The following NRDE2 variants were observed in gnomAD, a reference collection of about 807,000 sequenced individuals.
NRDE2 encodes NRDE-2, necessary for RNA interference, domain containing.
In NRDE2, 76 loss-of-function variants were observed where a neutral mutation model predicts 124.2. That is an observed-to-expected ratio of 0.61 (90% CI 0.51 to 0.74). The LOEUF (loss-of-function observed/expected upper bound fraction) is 0.74, where lower values mean the gene tolerates loss of function less well. Among genes scored for constraint, NRDE2 ranks in the 30% least tolerant of loss-of-function variants. The pLI, the probability that NRDE2 is intolerant of heterozygous loss-of-function variation, is 0.00. For missense variants in NRDE2, 1,314 were observed against 1,417.3 expected (o/e 0.93, Z 1.17); for synonymous variants, 489 against 528.1 (o/e 0.93, Z 1.01).
intron 8 of NRDE2, among the ~76,000 whole-genome samples, chr14:90,294,676 G>A (rs926918825): frequency 1.2e-4 from 19 of 152,128 alleles, no homozygotes; most frequent in African/African-American, 3.9e-4. Context: ...TGGGGCCTGG[G>A]GGGAGGGAGA....
chr14:90,270,748 G>C lies in NRDE2; in HGVS notation c.*7588C>G, dbSNP rs1243027428. On this transcript the variant is annotated 3_prime_UTR_variant, in exon 14 of 14. Coordinates refer to ENST00000354366, the MANE Select transcript of NRDE2 (RefSeq NM_017970.4). ...CATTCATCTCCCAATCTGTGTTCTGGAAGGTTGTACCAGATTATACTTCTT... is the reference window on the plus strand; with the variant it reads ...CATTCATCTCCCAATCTGTGTTCTGCAAGGTTGTACCAGATTATACTTCTT... The C allele has an allele frequency of 6.2e-6, 1 of 161,964 alleles. No individual in the cohort carries two copies. Among genetic ancestry groups the C allele is most frequent in the Admixed American group, 6.4e-5 (1 of 15,652 alleles). The allele number at this position is 161,964 out of a possible 1,614,324, so 10.0% of individuals were successfully genotyped here.
chr14:90,275,195 G>A lies in NRDE2; in HGVS notation c.*3141C>T, dbSNP rs959430305. ...CTTCCAATCAGAAGGAGACCAAAGA[G>A]ATGACAACCAAGTGCAGCTCCTGCT... On this transcript the variant is annotated 3_prime_UTR_variant, in exon 14 of 14. Transcript: ENST00000354366. The A allele has an allele frequency of 2.6e-5, 4 of 152,156 alleles. No homozygotes were observed. The highest frequency in any genetic ancestry group is 9.7e-5 in the African/African-American group (4 of 41,426). The allele number at this position is 152,156 out of a possible 1,614,324, so 9.4% of individuals were successfully genotyped here. A position where few individuals can be genotyped will look rare whatever the true frequency, so the allele number is the denominator to read the frequency against.
chr14:90,326,096 C>T (rs1289350114), intron 1 of NRDE2, among the ~76,000 whole-genome samples: 1 of 152,186 alleles, frequency 6.6e-6, no homozygotes, highest in African/African-American at 2.4e-5. Flanking sequence ...GTGACAGCCA[C>T]ACGATGGAGT....
chr14:90,312,329 G>C, intron 4 of NRDE2, 65 bp downstream of exon 4: 1 of 1,514,252 alleles, frequency 6.6e-7, no homozygotes, highest in East Asian at 2.3e-5. Context: ...ACAGTGCCAA[G>C]AGAGTTCCGA....
Position 90,304,021 on chromosome 14 carries a change from G to C in NRDE2, c.919C>G (p.Leu307Val), listed in dbSNP as rs1031692237. 6.2e-7 allele frequency: 1 copy of C among 1,614,042 alleles called. No individual in the cohort carries two copies. Among genetic ancestry groups the C allele is most frequent in the African/African-American group, 1.3e-5 (1 of 75,058 alleles). The change falls in exon 5 of 14, where the codon CTC becomes GTC. Residue 307 changes from leucine to valine, a missense_variant. Transcript: ENST00000354366. ...DAQPDSESAA[L>V]KAKVEEFNRR... ...TTAAACTCCTCCACCTTGGCCTTGA[G>C]AGCCGCACTCTCGCTGTCTGGCTGT... is the stretch of plus-strand genomic sequence containing the variant.
intron 9 of NRDE2, among the ~76,000 whole-genome samples, chr14:90,291,627 G>A (rs1892273715): frequency 6.6e-6 from 1 of 151,986 alleles, no homozygotes; most frequent in Non-Finnish European, 1.5e-5. Context: ...TCCCAGGTAA[G>A]TACCCTCTCC....
At chr14:90,285,587 C>T (rs1412121046) in intron 12 of NRDE2, among the ~76,000 whole-genome samples, 2 of 152,056 alleles carry the variant, frequency 1.3e-5, no homozygotes, top group Non-Finnish European at 2.9e-5. Flanking sequence ...CAGGCATGAG[C>T]CACCATGCCC....
chr14:90,272,452 T>C lies in NRDE2; in HGVS notation c.*5884A>G. 1.4e-6 allele frequency: 2 copies of C among 1,479,570 alleles called. No individual in the cohort carries two copies. Among genetic ancestry groups the C allele is most frequent in the South Asian group, 2.5e-5 (2 of 78,746 alleles). The allele number at this position is 1,479,570 out of a possible 1,614,324, so 91.7% of individuals were successfully genotyped here. On this transcript the variant is annotated 3_prime_UTR_variant, in exon 14 of 14. Coordinates refer to ENST00000354366, the MANE Select transcript of NRDE2 (RefSeq NM_017970.4). This position sits in a 1 kb window ranked among gnomAD's most constrained non-coding sequence, Gnocchi z 4.5. ...GGAAAATGGTTGGGAGATTTCTCAA[T>C]CCCTGAAAGGGATGAGGTTGGGGGA...
chr14:90,288,875 G>C lies in NRDE2; in HGVS notation c.2500C>G (p.Leu834Val), dbSNP rs541596816. 2.8e-5 allele frequency: 45 copies of C among 1,614,050 alleles called. No individual in the cohort carries two copies. The highest frequency in any genetic ancestry group is 3.3e-5 in the Non-Finnish European group (39 of 1,180,044). ...GCAGCCCTTCTCACTTCTGGCGACAGCTCCACCTCCAGCTCAGCATAGAGC... is the reference window on the plus strand; with the variant it reads ...GCAGCCCTTCTCACTTCTGGCGACACCTCCACCTCCAGCTCAGCATAGAGC... The part of the protein sequence containing the change: ...SLLYAELEVE[L>V]SPEVRRAATA... The change falls in exon 11 of 14, where the codon CTG (leucine) becomes GTG (valine). Residue 834 changes from leucine to valine, a missense_variant. Physicochemically the swap from Leu to Val is conservative, Grantham distance 32 (BLOSUM62 1). Coordinates refer to ENST00000354366, the MANE Select transcript of NRDE2 (RefSeq NM_017970.4).
At chr14:90,282,201 G>A (rs904142277) in intron 12 of NRDE2, among the ~76,000 whole-genome samples, 1 of 152,194 alleles carries the variant, frequency 6.6e-6, no homozygotes, top group African/African-American at 2.4e-5. Flanking sequence ...AACAAGCCAG[G>A]CGCAGTGGCT....
At chr14:90,302,170 G>A (rs1167590346) in intron 6 of NRDE2, among the ~76,000 whole-genome samples, 1 of 152,144 alleles carries the variant, frequency 6.6e-6, no homozygotes, top group Non-Finnish European at 1.5e-5. Context: ...AAGGACACAA[G>A]AGAGCCAGTG....
At chr14:90,281,495 A>AC (rs1566681556) in intron 12 of NRDE2, 1 of 152,220 alleles carries the variant, frequency 6.6e-6, no homozygotes, top group Non-Finnish European at 1.5e-5. Flanking sequence ...GGAGGCGAGT[A>AC]ACAGTGGCAG....
At chr14:90,329,172 AT>A (rs1231549062) in intron 1 of NRDE2, among the ~76,000 whole-genome samples, 1 of 152,074 alleles carries the variant, frequency 6.6e-6, no homozygotes, top group Non-Finnish European at 1.5e-5. Flanking sequence ...CAAAAGTTCG[AT>A]TTCCCCCTCT....
rs1174630156 is a variant in NRDE2, at chr14:90,273,332, G to A, written c.*5004C>T. On this transcript the variant is annotated 3_prime_UTR_variant, in exon 14 of 14. Transcript: ENST00000354366. ...CCCAGCACTTTGGGAAGCTGAGGCA[G>A]GCGGATCACAAGGTCAGAAGTTTGA... 6.6e-6 allele frequency: 1 copy of A among 152,234 alleles called. No individual in the cohort carries two copies. The highest frequency in any genetic ancestry group is 6.5e-5 in the Admixed American group (1 of 15,280). The allele number at this position is 152,234 out of a possible 1,614,324, so 9.4% of individuals were successfully genotyped here.
At chr14:90,316,431 CCTT>C in intron 3 of NRDE2, 144 bp downstream of exon 3, 1 of 606,778 alleles carries the variant, frequency 1.6e-6, no homozygotes. Flanking sequence ...TAATTTTTCT[CCTT>C]CTCTTTTTTA....
chr14:90,329,149 T>A (rs1885568779), intron 1 of NRDE2, among the ~76,000 whole-genome samples: 1 of 152,132 alleles, frequency 6.6e-6, no homozygotes, highest in Non-Finnish European at 1.5e-5. Flanking sequence ...TATTTAAGAG[T>A]AAGACTCCTC....
At position 90,278,627 on chromosome 14, in the gene NRDE2, T is replaced by C. The variant is rs1206427564; in HGVS notation, c.3370-166A>G. On this transcript the variant is annotated intron_variant, in intron 13 of 13. Coordinates refer to ENST00000354366, the MANE Select transcript of NRDE2 (RefSeq NM_017970.4). Reference sequence around the variant, plus strand: ...TTCTTAACTCGGGCAGCACTGGGCATGTTCAGGAAGGACACTGAACTCGCA... The same window carrying C: ...TTCTTAACTCGGGCAGCACTGGGCACGTTCAGGAAGGACACTGAACTCGCA... 1.7e-5 allele frequency: 13 copies of C among 772,346 alleles called. No individual in the cohort carries two copies. In the East Asian group the frequency reaches 3.0e-4, roughly 18 times the overall value. 47.8% of individuals were successfully genotyped at this position (772,346 alleles called of 1,614,324 possible).
intron 4 of NRDE2, among the ~76,000 whole-genome samples, chr14:90,308,757 T>C (rs996107998): frequency 1.3e-5 from 2 of 152,070 alleles, no homozygotes; most frequent in Non-Finnish European, 2.9e-5. Context: ...GAACAATGAG[T>C]TGTTGTTCAG....
chr14:90,295,703 C>T (rs1032931171), intron 8 of NRDE2, among the ~76,000 whole-genome samples: 4 of 152,190 alleles, frequency 2.6e-5, no homozygotes, highest in South Asian at 2.1e-4. Context: ...ACCCTCTCAA[C>T]GCTAACCTTT....
Sources: allele counts gnomAD v4.1 joint callset (sites outside exome capture counted in the v4.1 genomes callset), GRCh38; gene constraint gnomAD v4.1.1; non-coding constraint Gnocchi (gnomAD v3.1); transcripts MANE v1.5; gene names NCBI Gene and HGNC (gene_info 2026-07-23, HGNC 2026-07-21).